Variants in KCNJ3 observed in about 807,000 individuals in gnomAD.
KCNJ3 encodes G protein-activated inward rectifier potassium channel 1.
KCNJ3 carries 4 observed loss-of-function variants against 39.2 expected under a neutral mutation model. That is an observed-to-expected ratio of 0.10 (90% CI 0.05 to 0.23). The LOEUF is 0.23. Among genes scored for constraint, KCNJ3 ranks in the 10% least tolerant of loss-of-function variants. The probability of loss-of-function intolerance (pLI) is 1.00; values close to 1 mark genes in which losing one functional copy is unlikely to be tolerated. For synonymous variants in KCNJ3, 230 were observed against 237.4 expected, an observed-to-expected ratio of 0.97 and a Z score of 0.29; for missense variants, 276 against 634.9, an observed-to-expected ratio of 0.43 and a Z score of 6.08.
At chr2:154,766,073 T>G (rs1483189234) in intron 2 of KCNJ3, among the ~76,000 whole-genome samples, 2 of 152,336 alleles carry the variant, frequency 1.3e-5, no homozygotes, top group East Asian at 3.9e-4. Context: ...TTAAAATGAC[T>G]ATCAGGTTGC....
chr2:154,823,358 C>A (rs1687215291), intron 2 of KCNJ3, among the ~76,000 whole-genome samples: 2 of 149,756 alleles, frequency 1.3e-5, no homozygotes, highest in African/African-American at 4.9e-5. Context: ...GAAAAAGAGG[C>A]CAGGGTAAAG....
At chr2:154,814,514 G>A (rs1359115021) in intron 2 of KCNJ3, among the ~76,000 whole-genome samples, 1 of 152,086 alleles carries the variant, frequency 6.6e-6, no homozygotes, top group Non-Finnish European at 1.5e-5. Context: ...GCAGGAGCCT[G>A]TAATCCCAGC....
At chr2:154,708,138 C>G (rs188605819) in intron 1 of KCNJ3, among the ~76,000 whole-genome samples, 3 of 133,144 alleles carry the variant, frequency 2.3e-5, no homozygotes, top group African/African-American at 1.1e-4. Context: ...CAGCCACACA[C>G]AAGTTAGAGA....
chr2:154,720,213 A>C (rs1685246416), intron 2 of KCNJ3, among the ~76,000 whole-genome samples: 1 of 151,994 alleles, frequency 6.6e-6, no homozygotes. Context: ...GAAGACCATC[A>C]ATTCTTTGTT....
intron 2 of KCNJ3, among the ~76,000 whole-genome samples, chr2:154,832,865 T>A (rs1478340702): frequency 6.6e-6 from 1 of 152,192 alleles, no homozygotes; most frequent in African/African-American, 2.4e-5. Context: ...TGGAGAGTTG[T>A]GTGGAGATAT....
chr2:154,723,451 T>G (rs1685297766), intron 2 of KCNJ3, among the ~76,000 whole-genome samples: 1 of 152,096 alleles, frequency 6.6e-6, no homozygotes, highest in East Asian at 1.9e-4. Context: ...AGCCAGACTT[T>G]CACTTTATGA....
In KCNJ3 at chr2:154,751,454, A is replaced by C. The variant is rs2591163; in HGVS notation, c.919+41635A>C. Among the ~76,000 whole-genome samples, 4 of 151,686 alleles carry C rather than the reference A, an allele frequency of 2.6e-5. No homozygotes were observed. The East Asian group carries it at 7.7e-4, about 29-fold the overall frequency. ...CATTTCAAATTCAGCTTTATTATTA[A>C]TATCTAGTTTAGTTGCTTTATAGAC... On this transcript the variant is annotated intron_variant, in intron 2 of 2. Transcript: ENST00000295101.
intron 2 of KCNJ3, among the ~76,000 whole-genome samples, chr2:154,774,555 T>C (rs1445551261): frequency 1.3e-5 from 2 of 152,022 alleles, no homozygotes; most frequent in African/African-American, 2.4e-5. Context: ...AAAAAAACTA[T>C]TTATAGCCTT....
intron 2 of KCNJ3, among the ~76,000 whole-genome samples, chr2:154,812,496 CTT>C (rs1687022139): frequency 6.6e-6 from 1 of 152,052 alleles, no homozygotes. Flanking sequence ...TAATTCATGA[CTT>C]TTCTATTGTG....
chr2:154,787,066 AC>A (rs1200334008), intron 2 of KCNJ3, among the ~76,000 whole-genome samples: 3 of 152,286 alleles, frequency 2.0e-5, no homozygotes, highest in Admixed American at 2.0e-4. Context: ...TATTTTTATG[AC>A]CACTAGAAAA....
chr2:154,848,819 AG>A (rs1198898030), intron 2 of KCNJ3, among the ~76,000 whole-genome samples: 1 of 152,174 alleles, frequency 6.6e-6, no homozygotes, highest in Non-Finnish European at 1.5e-5. Context: ...TACTTACTGC[AG>A]GGAGTTGTGC....
chr2:154,705,460 T>C (rs1684990373), intron 1 of KCNJ3, among the ~76,000 whole-genome samples: 1 of 152,148 alleles, frequency 6.6e-6, no homozygotes, highest in African/African-American at 2.4e-5. Flanking sequence ...ACCTGTGACT[T>C]TTGATTCTTT....
intron 2 of KCNJ3, among the ~76,000 whole-genome samples, chr2:154,852,918 C>A (rs964000211): frequency 6.6e-6 from 1 of 151,820 alleles, no homozygotes; most frequent in East Asian, 1.9e-4. Flanking sequence ...TAAGTGATAA[C>A]TGAGTTCATA....
chr2:154,743,740 T>C (rs1045168117), intron 2 of KCNJ3, among the ~76,000 whole-genome samples: 1 of 151,486 alleles, frequency 6.6e-6, no homozygotes, highest in Non-Finnish European at 1.5e-5. Flanking sequence ...AGGTTGCTAT[T>C]TTTTTTACAA....
At chr2:154,831,929 A>G (rs1687370567) in intron 2 of KCNJ3, among the ~76,000 whole-genome samples, 1 of 152,116 alleles carries the variant, frequency 6.6e-6, no homozygotes, top group South Asian at 2.1e-4. Flanking sequence ...TCTGGTGAGG[A>G]CTCAGGCTGC....
intron 2 of KCNJ3, among the ~76,000 whole-genome samples, chr2:154,799,296 C>T (rs778978557): frequency 7.9e-5 from 12 of 152,078 alleles, no homozygotes; most frequent in Non-Finnish European, 1.2e-4. Flanking sequence ...TGCGCCACCA[C>T]GCCCAGCTAA....
chr2:154,765,103 A>G (rs1220277554), intron 2 of KCNJ3, among the ~76,000 whole-genome samples: 1 of 152,208 alleles, frequency 6.6e-6, no homozygotes, highest in Non-Finnish European at 1.5e-5. Flanking sequence ...GGTGTTTAGC[A>G]GCATCTCTTG....
Position 154,855,157 on chromosome 2 carries a change from A to G in KCNJ3, c.1350A>G (p.Lys450=), listed in dbSNP as rs1687815621. 1.2e-6 allele frequency: 2 copies of G among 1,613,812 alleles called. No homozygotes were observed. The highest frequency in any genetic ancestry group is 1.7e-6 in the Non-Finnish European group (2 of 1,179,948). ...CAGTTCCGGGCAACTCAGAAGAAAA[A>G]CTGGTATCTAAAACCACCAAGATGT... ...ISSVPGNSEE[K]LVSKTTKMLS... is the part of the protein sequence containing the mutation. The change falls in exon 3 of 3, where the codon AAA becomes AAG. Residue 450 remains lysine, a synonymous_variant. Coordinates refer to ENST00000295101, the MANE Select transcript of KCNJ3 (RefSeq NM_002239.4).
chr2:154,836,587 A>G (rs967971072), intron 2 of KCNJ3, among the ~76,000 whole-genome samples: 5 of 140,820 alleles, frequency 3.6e-5, no homozygotes, highest in Non-Finnish European at 6.1e-5. Context: ...GCAATCATTT[A>G]TTTTTTCTTT....
Sources: gnomAD v4.1 joint callset for allele counts (sites outside exome capture counted in the v4.1 genomes callset) on GRCh38, gnomAD v4.1.1 for gene constraint, MANE v1.5 for transcripts, NCBI Gene and HGNC (gene_info 2026-07-23, HGNC 2026-07-21) for gene names.